Variants in ASTN2 observed in about 807,000 individuals in gnomAD.
The protein encoded by ASTN2 is astrotactin-2.
ASTN2 carries 54 observed loss-of-function variants against 139.8 expected under a neutral mutation model. The observed-to-expected ratio is 0.39, with a 90% CI of 0.31 to 0.48. The LOEUF (loss-of-function observed/expected upper bound fraction) is 0.48. Ranked by LOEUF, ASTN2 falls within the 20% of genes least tolerant of loss-of-function variation. The pLI is 0.95. For synonymous variants in ASTN2, 756 were observed against 719.5 expected, an observed-to-expected ratio of 1.05 and a Z score of -0.81; for missense variants, 1,565 against 1,725.1, an observed-to-expected ratio of 0.91 and a Z score of 1.64.
intron 13 of ASTN2, among the ~76,000 whole-genome samples, chr9:116,785,888 AC>A (rs1355721283): frequency 6.6e-6 from 1 of 152,136 alleles, no homozygotes; most frequent in African/African-American, 2.4e-5. Flanking sequence ...CAGATTATAG[AC>A]CTTTTCTGCT....
At chr9:117,291,586 AC>A (rs1834595538) in intron 1 of ASTN2, 73 bp from the exon 2 acceptor site, 3 of 1,423,644 alleles carry the variant, frequency 2.1e-6, no homozygotes, top group Non-Finnish European at 2.8e-6. Flanking sequence ...AAAAGAGCCC[AC>A]ATAATCAGGA....
intron 5 of ASTN2, among the ~76,000 whole-genome samples, chr9:117,053,052 G>A (rs1482212099): frequency 2.0e-5 from 3 of 152,156 alleles, no homozygotes; most frequent in Non-Finnish European, 2.9e-5. Context: ...AATATAGAAA[G>A]AGAAAAAGGA....
chr9:117,187,842 C>T (rs1017144530), intron 3 of ASTN2, among the ~76,000 whole-genome samples: 7 of 152,182 alleles, frequency 4.6e-5, no homozygotes, highest in Admixed American at 4.6e-4. Context: ...GGAACAATAA[C>T]ATTGCTATCC....
intron 10 of ASTN2, among the ~76,000 whole-genome samples, chr9:116,916,314 A>G (rs557886502): frequency 1.3e-5 from 2 of 152,318 alleles, no homozygotes; most frequent in African/African-American, 2.4e-5. Flanking sequence ...AGAGAGAGTG[A>G]AAATTCACAG....
chr9:116,458,877 T>A (rs1248706211), intron 20 of ASTN2, among the ~76,000 whole-genome samples: 1 of 152,032 alleles, frequency 6.6e-6, no homozygotes, highest in Non-Finnish European at 1.5e-5. Context: ...AAATATCCGA[T>A]GATTTGTTTT....
intron 2 of ASTN2, among the ~76,000 whole-genome samples, chr9:117,220,728 CT>C (rs1389915561): frequency 1.3e-5 from 2 of 152,282 alleles, no homozygotes; most frequent in Non-Finnish European, 2.9e-5. Context: ...TGATTTTGGA[CT>C]TCTGGCCTCC....
chr9:116,863,743 A>G lies in ASTN2; in HGVS notation c.1890-10T>C. The G allele has an allele frequency of 6.2e-7, 1 of 1,607,520 alleles. No individual in the cohort carries two copies. The highest frequency in any genetic ancestry group is 8.5e-7 in the Non-Finnish European group (1 of 1,175,420). On this transcript the variant is annotated splice_polypyrimidine_tract_variant and intron_variant, in intron 10 of 22. Transcript: ENST00000313400. ...CAGCATCGCTTCTTCCCTTGGAGAGAAAGGGGATGGTTAAACCCCAGAGAC... is the reference window on the plus strand; with the variant it reads ...CAGCATCGCTTCTTCCCTTGGAGAGGAAGGGGATGGTTAAACCCCAGAGAC...
At chr9:117,046,746 T>C (rs940676613) in intron 5 of ASTN2, among the ~76,000 whole-genome samples, 1 of 152,232 alleles carries the variant, frequency 6.6e-6, no homozygotes, top group Non-Finnish European at 1.5e-5. Context: ...GCAAGTACTG[T>C]ATGCCAGACC....
intron 1 of ASTN2, among the ~76,000 whole-genome samples, chr9:117,330,169 A>G (rs1339200541): frequency 6.6e-6 from 1 of 152,164 alleles, no homozygotes. Context: ...AGCCTGCCCA[A>G]GTCAACCTGG....
At position 117,009,898 on chromosome 9, in the gene ASTN2, C is replaced by G. The variant is rs140204502; in HGVS notation, c.1424-1639G>C. 2.0e-5 allele frequency among the ~76,000 whole-genome samples: 3 copies of G among 152,258 alleles called. No individual in the cohort carries two copies. In the East Asian group the frequency reaches 5.8e-4, roughly 29 times the overall value. On this transcript the variant is annotated intron_variant, in intron 6 of 22. Transcript: ENST00000313400. ...GAGGTGGGATCACATCAGACCACAC[C>G]TGGCTGTCTGAGCATCTAAGACTGT...
chr9:117,193,675 A>T (rs1831411651), intron 3 of ASTN2, among the ~76,000 whole-genome samples: 1 of 151,340 alleles, frequency 6.6e-6, no homozygotes, highest in African/African-American at 2.4e-5. Flanking sequence ...AAAGAAAATC[A>T]TTTCCAAATT....
chr9:116,703,600 T>G, intron 16 of ASTN2, among the ~76,000 whole-genome samples: 2 of 149,746 alleles, frequency 1.3e-5, no homozygotes, highest in Admixed American at 6.7e-5. Flanking sequence ...TGGGGAGGGG[T>G]AGCATTGGGA....
chr9:117,300,574 A>G (rs949377012), intron 1 of ASTN2, among the ~76,000 whole-genome samples: 1 of 152,210 alleles, frequency 6.6e-6, no homozygotes, highest in African/African-American at 2.4e-5. Flanking sequence ...GTGAGAGGTC[A>G]GTTAATGCTC....
intron 5 of ASTN2, among the ~76,000 whole-genome samples, chr9:117,073,381 C>T (rs1296017080): frequency 6.6e-6 from 1 of 152,126 alleles, no homozygotes; most frequent in Non-Finnish European, 1.5e-5. Context: ...TTTGCAATAT[C>T]ATCTATTTCA....
chr9:116,916,408 A>G (rs911141802), intron 10 of ASTN2, among the ~76,000 whole-genome samples: 1 of 152,232 alleles, frequency 6.6e-6, no homozygotes, highest in Admixed American at 6.5e-5. Context: ...TCCATCTTAC[A>G]GGTGAGGAAA....
chr9:116,788,722 T>C lies in ASTN2; in HGVS notation c.2396+16910A>G, dbSNP rs1307764405. ...AATGTCTAACTCTACCCAATAAAAC[T>C]GTGACCCTTAGTATTTAATTTCTCT... On this transcript the variant is annotated intron_variant, in intron 13 of 22. Coordinates refer to ENST00000313400, the MANE Select transcript of ASTN2 (RefSeq NM_001365068.1). 2.0e-5 allele frequency among the ~76,000 whole-genome samples: 3 copies of C among 152,180 alleles called. No individual in the cohort carries two copies. In the East Asian group the frequency reaches 5.8e-4, roughly 29 times the overall value.
At chr9:117,223,408 G>A (rs1832594213) in intron 2 of ASTN2, among the ~76,000 whole-genome samples, 1 of 152,180 alleles carries the variant, frequency 6.6e-6, no homozygotes, top group Non-Finnish European at 1.5e-5. Flanking sequence ...CAATAGCGCA[G>A]AGTTTGAGAG....
intron 19 of ASTN2, among the ~76,000 whole-genome samples, chr9:116,560,710 T>C (rs1229042210): frequency 2.6e-5 from 4 of 152,208 alleles, no homozygotes; most frequent in African/African-American, 7.2e-5. Context: ...TCTTGACATA[T>C]CTGTCTTTAA....
chr9:117,268,446 C>A (rs1408432422), intron 2 of ASTN2, among the ~76,000 whole-genome samples: 1 of 152,184 alleles, frequency 6.6e-6, no homozygotes, highest in Non-Finnish European at 1.5e-5. Flanking sequence ...CCAACGTTTT[C>A]TTCCTCCAGG....
Sources: allele counts gnomAD v4.1 joint callset (sites outside exome capture counted in the v4.1 genomes callset), GRCh38; gene constraint gnomAD v4.1.1; transcripts MANE v1.5; gene names NCBI Gene and HGNC (gene_info 2026-07-23, HGNC 2026-07-21).